Variants in SIPA1L2 observed in about 807,000 individuals in gnomAD.
The protein encoded by SIPA1L2 is signal-induced proliferation-associated 1-like protein 2.
A neutral mutation model predicts 163.9 loss-of-function variants in SIPA1L2; 56 were observed. That is an observed-to-expected ratio of 0.34 (90% CI 0.28 to 0.43). The LOEUF (loss-of-function observed/expected upper bound fraction) is 0.43. Ranked by LOEUF, SIPA1L2 falls within the 20% of genes least tolerant of loss-of-function variation. The probability of loss-of-function intolerance (pLI) is 1.00; values close to 1 mark genes in which losing one functional copy is unlikely to be tolerated. For missense variants in SIPA1L2, 1,974 were observed against 2,193.5 expected (o/e 0.90, Z 2.00); for synonymous variants, 877 against 865.7 (o/e 1.01, Z -0.23).
At chr1:232,538,767 G>A (rs1657465724) in intron 2 of SIPA1L2, among the ~76,000 whole-genome samples, 1 of 151,756 alleles carries the variant, frequency 6.6e-6, no homozygotes, top group Admixed American at 6.6e-5. Flanking sequence ...ATGATCACAT[G>A]AAGGTACAAT....
chr1:232,449,002 G>A (rs1663385421), intron 10 of SIPA1L2, among the ~76,000 whole-genome samples: 1 of 152,046 alleles, frequency 6.6e-6, no homozygotes, highest in Non-Finnish European at 1.5e-5. Flanking sequence ...CTCTAAACTT[G>A]GCCTCAGAAT....
chr1:232,451,346 T>C (rs1029233539), intron 10 of SIPA1L2, among the ~76,000 whole-genome samples: 28 of 152,104 alleles, frequency 1.8e-4, no homozygotes, highest in Admixed American at 4.6e-4. Context: ...TTGGCACGCA[T>C]CCTCTCTCCC....
intron 15 of SIPA1L2, among the ~76,000 whole-genome samples, chr1:232,438,892 A>G (rs1181451057): frequency 6.6e-6 from 1 of 151,680 alleles, no homozygotes; most frequent in East Asian, 1.9e-4. Context: ...TTAATAGGAA[A>G]AAAAAAAAAA....
intron 1 of SIPA1L2, among the ~76,000 whole-genome samples, chr1:232,607,226 A>C (rs1472703236): frequency 1.3e-5 from 2 of 152,200 alleles, no homozygotes; most frequent in Non-Finnish European, 2.9e-5. Context: ...AAATTTTTTA[A>C]TGTATCCCTG....
intron 2 of SIPA1L2, among the ~76,000 whole-genome samples, chr1:232,558,829 C>T (rs1477952311): frequency 1.3e-5 from 2 of 152,062 alleles, no homozygotes; most frequent in African/African-American, 4.8e-5. Flanking sequence ...TAGTTTTTAC[C>T]AAACAGATAA....
intron 2 of SIPA1L2, among the ~76,000 whole-genome samples, chr1:232,531,497 T>G (rs75650274): frequency 0.015 from 2,255 of 152,312 alleles, 57 homozygotes; most frequent in African/African-American, 0.052. Flanking sequence ...GGAGGTTTTA[T>G]TTTTTCAACA....
chr1:232,559,038 T>G (rs1658887443), intron 2 of SIPA1L2, among the ~76,000 whole-genome samples: 1 of 152,090 alleles, frequency 6.6e-6, no homozygotes, highest in South Asian at 2.1e-4. Flanking sequence ...AATTTCACAC[T>G]CTAGAGTCCT....
At chr1:232,404,918 C>T (rs1037861584) in intron 19 of SIPA1L2, among the ~76,000 whole-genome samples, 7 of 152,108 alleles carry the variant, frequency 4.6e-5, no homozygotes, top group Admixed American at 2.0e-4. Flanking sequence ...ATACAGCAGG[C>T]GTGTTAGTGC....
chr1:232,572,874 G>A (rs1235702915), intron 2 of SIPA1L2, among the ~76,000 whole-genome samples: 13 of 151,368 alleles, frequency 8.6e-5, no homozygotes, highest in African/African-American at 3.2e-4. Context: ...CGCCTCCCAG[G>A]TTCAAGTGAT....
intron 6 of SIPA1L2, among the ~76,000 whole-genome samples, chr1:232,480,193 T>TG (rs1558210866): frequency 1.3e-3 from 90 of 67,546 alleles, no homozygotes; most frequent in Non-Finnish European, 2.3e-3. Context: ...GTGTGTGTGT[T>TG]TTTACAGTTA....
intron 2 of SIPA1L2, among the ~76,000 whole-genome samples, chr1:232,520,366 T>C (rs754098183): frequency 1.1e-4 from 17 of 152,216 alleles, no homozygotes; most frequent in Non-Finnish European, 8.8e-5. Flanking sequence ...CCGACCAAAA[T>C]TGAAGAATTT....
At chr1:232,551,864 AGTCTCGCTCTTG>A (rs1473984403) in intron 2 of SIPA1L2, among the ~76,000 whole-genome samples, 3 of 152,256 alleles carry the variant, frequency 2.0e-5, no homozygotes, top group Non-Finnish European at 4.4e-5. Flanking sequence ...CATGAGAAGA[AGTCTCGCTCTTG>A]TACCCCAGGC....
chr1:232,604,917 G>A (rs928859368), intron 1 of SIPA1L2, among the ~76,000 whole-genome samples: 6 of 152,078 alleles, frequency 3.9e-5, no homozygotes, highest in African/African-American at 7.2e-5. Flanking sequence ...CAAGGAGATG[G>A]CCAGCATCAT....
Position 232,464,973 on chromosome 1 carries a change from G to T in SIPA1L2, c.2687C>A (p.Ser896Tyr), listed in dbSNP as rs1247486415. ...TGTCCACCCAATCACATCCCTGCAGGAACAGTTGAATACAACATTCTTGGA... is the reference window on the plus strand; with the variant it reads ...TGTCCACCCAATCACATCCCTGCAGTAACAGTTGAATACAACATTCTTGGA... ...KDSKNVVFNC[S>Y]CRDVIGWTSG... The change falls in exon 9 of 23, where the codon TCC (serine) becomes TAC (tyrosine). Residue 896 changes from serine (S) to tyrosine (Y), a missense_variant. By Grantham distance (144) the Ser-to-Tyr change is moderately radical. Coordinates refer to ENST00000674635, the MANE Select transcript of SIPA1L2 (RefSeq NM_020808.5). The T allele has an allele frequency of 3.0e-5, 49 of 1,614,134 alleles. No individual in the cohort carries two copies. The highest frequency in any genetic ancestry group is 4.1e-5 in the Non-Finnish European group (48 of 1,180,030).
intron 22 of SIPA1L2, 65 bp from the exon 23 acceptor site, chr1:232,399,338 G>A: frequency 1.3e-6 from 2 of 1,533,732 alleles, no homozygotes; most frequent in Non-Finnish European, 1.8e-6. Context: ...TCCTAAGCTG[G>A]GCTACGAGAA....
At chr1:232,556,524 G>A (rs1658712596) in intron 2 of SIPA1L2, among the ~76,000 whole-genome samples, 1 of 152,162 alleles carries the variant, frequency 6.6e-6, no homozygotes, top group South Asian at 2.1e-4. Flanking sequence ...TCAAAAGGCA[G>A]CTATCAATGG....
chr1:232,606,289 G>A (rs1661916710), intron 1 of SIPA1L2, among the ~76,000 whole-genome samples: 1 of 152,110 alleles, frequency 6.6e-6, no homozygotes, highest in Non-Finnish European at 1.5e-5. Flanking sequence ...CGTGAAAGAG[G>A]AATGAACTTT....
chr1:232,474,509 A>T (rs1398131857), intron 7 of SIPA1L2, among the ~76,000 whole-genome samples: 1 of 152,214 alleles, frequency 6.6e-6, no homozygotes, highest in Non-Finnish European at 1.5e-5. Context: ...TTAGTGCAAA[A>T]ATACAGTAAG....
At chr1:232,417,881 A>T (rs1460988802) in intron 18 of SIPA1L2, among the ~76,000 whole-genome samples, 1 of 152,168 alleles carries the variant, frequency 6.6e-6, no homozygotes, top group Non-Finnish European at 1.5e-5. Flanking sequence ...TAGCTCTGTG[A>T]GGGCCGCGGA....
Sources: gnomAD v4.1 joint callset for allele counts (sites outside exome capture counted in the v4.1 genomes callset) on GRCh38, gnomAD v4.1.1 for gene constraint, MANE v1.5 for transcripts, NCBI Gene and HGNC (gene_info 2026-07-23, HGNC 2026-07-21) for gene names.